ZNF69: variants seen among roughly 807,000 people sequenced by gnomAD.
ZNF69 encodes the protein ZNF3.
In ZNF69, 47 loss-of-function variants were observed where a neutral mutation model predicts 50.9. The ratio of observed to expected loss-of-function variants is 0.92; its 90% CI spans 0.73 to 1.18. The LOEUF (loss-of-function observed/expected upper bound fraction) is 1.18. ZNF69 is among the 50% of genes most tolerant of loss of function. ZNF69 has a pLI of 0.00. For missense variants in ZNF69, 717 were observed against 675.1 expected (o/e 1.06, Z -0.69); for synonymous variants, 216 against 223.1 (o/e 0.97, Z 0.29).
At chr19:11,889,902 T>G (rs1422505477) in intron 1 of ZNF69, among the ~76,000 whole-genome samples, 8 of 152,176 alleles carry the variant, frequency 5.3e-5, no homozygotes, top group African/African-American at 1.9e-4. Flanking sequence ...ACCTGTATCA[T>G]GAATAAGTTC....
the ZNF69 span, chr19:11,925,094 A>T: frequency 2.6e-6 from 3 of 1,172,722 alleles, no homozygotes; most frequent in Non-Finnish European, 3.7e-6. Flanking sequence ...CCGGAAATGG[A>T]GGGGGTCGCT....
At chr19:11,954,184 A>G in the ZNF69 span, among the ~76,000 whole-genome samples, 5 of 152,340 alleles carry the variant, frequency 3.3e-5, no homozygotes, top group South Asian at 1.0e-3. Context: ...AAACTTATAT[A>G]CCATTCCAGG....
chr19:11,910,463 CCAAA>C (rs892237554), downstream of ZNF69, among the ~76,000 whole-genome samples: 7 of 152,216 alleles, frequency 4.6e-5, no homozygotes, highest in South Asian at 1.5e-3. Context: ...GGTACTGGTA[CCAAA>C]CAGAGATATA....
chr19:11,966,711 G>C, the ZNF69 span, among the ~76,000 whole-genome samples: 25 of 152,204 alleles, frequency 1.6e-4, no homozygotes, highest in African/African-American at 5.8e-4. Context: ...TGAAGACTGG[G>C]CTTTTATAAG....
intron 1 of ZNF69, among the ~76,000 whole-genome samples, chr19:11,899,753 T>A (rs59994891): frequency 0.015 from 2,294 of 152,212 alleles, 46 homozygotes; most frequent in African/African-American, 0.044. Flanking sequence ...TTTGAGTCAA[T>A]ATGTAGGAAT....
the ZNF69 span, among the ~76,000 whole-genome samples, chr19:11,951,109 CCACTG>C: frequency 6.9e-6 from 1 of 145,162 alleles, no homozygotes; most frequent in Admixed American, 6.9e-5. Context: ...AGAGATCACA[CCACTG>C]CACTCCAGCC....
the ZNF69 span, among the ~76,000 whole-genome samples, chr19:11,962,600 ACC>A: frequency 2.1e-3 from 306 of 145,790 alleles, 1 homozygote; most frequent in African/African-American, 7.6e-3. Flanking sequence ...GGCTCAAGTG[ACC>A]CCCCCCCACC....
the ZNF69 span, chr19:11,950,667 CAGAT>C: frequency 1.0e-5 from 3 of 293,742 alleles, no homozygotes; most frequent in Admixed American, 8.9e-5. Context: ...TCTTTGAATA[CAGAT>C]AATTAATGTA....
downstream of ZNF69, among the ~76,000 whole-genome samples, chr19:11,917,442 G>T (rs1972532082): frequency 6.6e-6 from 1 of 152,168 alleles, no homozygotes. Flanking sequence ...CTACCTAGGA[G>T]TGGGCCAGCC....
chr19:11,948,603 C>G, the ZNF69 span: 20 of 1,609,900 alleles, frequency 1.2e-5, no homozygotes, highest in Non-Finnish European at 1.7e-5. Context: ...GAGAGAAACC[C>G]TATGCTTGTA....
At chr19:11,907,776 A>G (rs1285767129), downstream of ZNF69, among the ~76,000 whole-genome samples, 6 of 152,370 alleles carry the variant, frequency 3.9e-5, no homozygotes, top group African/African-American at 1.2e-4. Flanking sequence ...AACGAGCAAA[A>G]TAACCAGTTA....
chr19:11,923,437 C>T, the ZNF69 span, among the ~76,000 whole-genome samples: 2 of 152,232 alleles, frequency 1.3e-5, no homozygotes, highest in African/African-American at 2.4e-5. Context: ...CTCTCTCCTC[C>T]CTGAGTTTCC....
At chr19:11,978,293 G>A in the ZNF69 span, 1 of 1,614,056 alleles carries the variant, frequency 6.2e-7, no homozygotes, top group African/African-American at 1.3e-5. Flanking sequence ...CTTTTAATAT[G>A]AACATCAGAG....
chr19:11,908,944 AAG>A (rs1972418228), downstream of ZNF69, among the ~76,000 whole-genome samples: 1 of 152,322 alleles, frequency 6.6e-6, no homozygotes, highest in Middle Eastern at 3.4e-3. Context: ...TAAAGAAGAA[AAG>A]AGAGAAGAAT....
the ZNF69 span, among the ~76,000 whole-genome samples, chr19:11,968,405 G>T: frequency 8.6e-5 from 13 of 152,032 alleles, no homozygotes; most frequent in Non-Finnish European, 1.8e-4. Context: ...AGCACACCTG[G>T]CTAATTTTTT....
the ZNF69 span, among the ~76,000 whole-genome samples, chr19:11,920,120 TTTC>T: frequency 2.0e-5 from 3 of 151,682 alleles, no homozygotes; most frequent in African/African-American, 7.3e-5. Flanking sequence ...TTTTTTTTTT[TTTC>T]TTCCTGAGAT....
chr19:11,921,875 T>G, the ZNF69 span, among the ~76,000 whole-genome samples: 1 of 152,196 alleles, frequency 6.6e-6, no homozygotes, highest in Admixed American at 6.5e-5. Context: ...TAACAGGAAC[T>G]ATCATTTAGG....
rs1972460657 is a variant in ZNF69, at chr19:11,911,699, C to T, written c.449-1710C>T. Among the ~76,000 whole-genome samples the T allele has an allele frequency of 4.6e-5, 7 of 152,202 alleles. No homozygotes were observed. The South Asian group carries it at 1.5e-3, about 32-fold the overall frequency. ...GGGTAGGGGGAGGGGAGAGATAGCA[C>T]TGGGAGATATACCTAATATGAATGA... On this transcript the variant is annotated intron_variant, in intron 4 of 4. Coordinates refer to the ZNF69 transcript ENST00000340180.
At chr19:11,951,749 A>G in the ZNF69 span, among the ~76,000 whole-genome samples, 1 of 152,218 alleles carries the variant, frequency 6.6e-6, no homozygotes, top group Non-Finnish European at 1.5e-5. Context: ...TATGATTTGA[A>G]ATATGTTTTC....
Sources: allele counts gnomAD v4.1 joint callset (sites outside exome capture counted in the v4.1 genomes callset), GRCh38; gene constraint gnomAD v4.1.1; transcripts MANE v1.5; gene names NCBI Gene and HGNC (gene_info 2026-07-23, HGNC 2026-07-21).